The following PDE1A variants were observed in gnomAD, a reference collection of about 807,000 sequenced individuals.
PDE1A encodes dual specificity calcium/calmodulin-dependent 3',5'-cyclic nucleotide phosphodiesterase 1A.
In PDE1A, 35 loss-of-function variants were observed where a neutral mutation model predicts 61.7. That is an observed-to-expected ratio of 0.57 (90% CI 0.43 to 0.75). The LOEUF is 0.75. Among genes scored for constraint, PDE1A ranks in the 30% least tolerant of loss-of-function variants. The probability of loss-of-function intolerance (pLI) is 0.00; values close to 1 mark genes in which losing one functional copy is unlikely to be tolerated. For synonymous variants in PDE1A, 232 were observed against 213.2 expected (o/e 1.09, Z -0.77); for missense variants, 597 against 630.6 (o/e 0.95, Z 0.57).
chr2:182,637,197 G>T, the PDE1A span, among the ~76,000 whole-genome samples: 1 of 152,148 alleles, frequency 6.6e-6, no homozygotes, highest in Non-Finnish European at 1.5e-5. Context: ...TTTAAAAGAG[G>T]TCATTATTCT....
At chr2:182,359,996 G>T (rs1428524700) in intron 1 of PDE1A, among the ~76,000 whole-genome samples, 3 of 152,020 alleles carry the variant, frequency 2.0e-5, no homozygotes, top group Non-Finnish European at 4.4e-5. Flanking sequence ...ATACCATGAA[G>T]AAAATGCTAC....
At chr2:182,290,785 T>G (rs1694476364) in intron 1 of PDE1A, among the ~76,000 whole-genome samples, 1 of 151,960 alleles carries the variant, frequency 6.6e-6, no homozygotes, top group Admixed American at 6.6e-5. Context: ...CCACTGAAAA[T>G]CTACTGCCAC....
intron 7 of PDE1A, among the ~76,000 whole-genome samples, chr2:182,220,097 G>A (rs1688594865): frequency 6.6e-6 from 1 of 151,710 alleles, no homozygotes; most frequent in South Asian, 2.1e-4. Context: ...CTATCATAAA[G>A]ATGAAATAAT....
At chr2:182,171,459 G>A (rs1205558648) in intron 13 of PDE1A, among the ~76,000 whole-genome samples, 1 of 151,756 alleles carries the variant, frequency 6.6e-6, no homozygotes, top group Non-Finnish European at 1.5e-5. Context: ...AAATTGTTCT[G>A]AAAAATTGGG....
chr2:182,490,777 T>TCGG (rs1688333135), intron 2 of PDE1A, among the ~76,000 whole-genome samples: 2 of 152,190 alleles, frequency 1.3e-5, no homozygotes, highest in African/African-American at 4.8e-5. Flanking sequence ...AGGCACAATT[T>TCGG]TAAGAGTGAT....
chr2:182,353,493 T>C (rs1013445247), intron 1 of PDE1A, among the ~76,000 whole-genome samples: 4 of 152,162 alleles, frequency 2.6e-5, no homozygotes, highest in African/African-American at 7.2e-5. Flanking sequence ...TGTTTTGTTA[T>C]AGCATTATCT....
At chr2:182,662,156 A>T in the PDE1A span, among the ~76,000 whole-genome samples, 1 of 151,966 alleles carries the variant, frequency 6.6e-6, no homozygotes, top group Non-Finnish European at 1.5e-5. Context: ...AGATAAATAG[A>T]ACAGAAGAAA....
At chr2:182,525,997 T>C (rs933464927), upstream of PDE1A, among the ~76,000 whole-genome samples, 8 of 152,146 alleles carry the variant, frequency 5.3e-5, no homozygotes, top group Non-Finnish European at 1.5e-5. Flanking sequence ...AGTTAGCATC[T>C]GTGAAGAAGG....
At chr2:182,281,352 T>A (rs967460548) in intron 1 of PDE1A, among the ~76,000 whole-genome samples, 5 of 151,956 alleles carry the variant, frequency 3.3e-5, no homozygotes, top group Non-Finnish European at 7.4e-5. Flanking sequence ...TTTGTCTTAG[T>A]GATGTTTAAA....
chr2:182,230,057 T>G, exon 6 of PDE1A: 1 of 1,612,856 alleles, frequency 6.2e-7, no homozygotes, highest in Non-Finnish European at 8.5e-7. Flanking sequence ...TGACATCAGC[T>G]GCATGAATCA....
At chr2:182,534,746 T>C in the PDE1A span, among the ~76,000 whole-genome samples, 1 of 151,884 alleles carries the variant, frequency 6.6e-6, no homozygotes, top group African/African-American at 2.4e-5. Context: ...CATTTGTAAT[T>C]CAATTTTTAT....
chr2:182,399,005 T>C (rs143168759), intron 1 of PDE1A, among the ~76,000 whole-genome samples: 1,929 of 152,052 alleles, frequency 0.013, 26 homozygotes, highest in South Asian at 0.047. Flanking sequence ...ATAATACCTA[T>C]TGAACTATCC....
chr2:182,191,044 T>C (rs915610810), intron 10 of PDE1A, among the ~76,000 whole-genome samples: 5 of 152,196 alleles, frequency 3.3e-5, no homozygotes, highest in African/African-American at 9.7e-5. Context: ...TGATGTCTAA[T>C]GCATACATTG....
intron 1 of PDE1A, among the ~76,000 whole-genome samples, chr2:182,377,254 G>C (rs1700464732): frequency 6.6e-6 from 1 of 152,172 alleles, no homozygotes; most frequent in Non-Finnish European, 1.5e-5. Context: ...TGGTGATAGT[G>C]AGTTCTCATG....
At chr2:182,342,032 G>A (rs1698218752) in intron 1 of PDE1A, among the ~76,000 whole-genome samples, 1 of 152,108 alleles carries the variant, frequency 6.6e-6, no homozygotes, top group Non-Finnish European at 1.5e-5. Flanking sequence ...GCTTCCCAAA[G>A]CACTGGGATT....
the PDE1A span, among the ~76,000 whole-genome samples, chr2:182,672,006 G>A: frequency 9.2e-5 from 14 of 152,136 alleles, no homozygotes; most frequent in African/African-American, 3.1e-4. Flanking sequence ...AATTCTGCCC[G>A]CTAAACCTCT....
downstream of PDE1A, among the ~76,000 whole-genome samples, chr2:182,162,978 G>A (rs577499259): frequency 8.1e-4 from 123 of 152,266 alleles, 1 homozygote; most frequent in African/African-American, 2.7e-3. Flanking sequence ...CTGTACCTAA[G>A]ACAATAGTAA....
At chr2:182,599,980 A>G in the PDE1A span, among the ~76,000 whole-genome samples, 26 of 152,234 alleles carry the variant, frequency 1.7e-4, no homozygotes, top group Admixed American at 1.3e-4. Context: ...ACATGACAGG[A>G]AAGTCCCTTG....
chr2:182,646,366 C>T, the PDE1A span, among the ~76,000 whole-genome samples: 50,230 of 136,882 alleles, frequency 0.37, 10,601 homozygotes, highest in Admixed American at 0.54. Flanking sequence ...GCAGGAGAAT[C>T]GTTTGAACCC....
Sources: gnomAD v4.1 joint callset for allele counts (sites outside exome capture counted in the v4.1 genomes callset) on GRCh38, gnomAD v4.1.1 for gene constraint, MANE v1.5 for transcripts, NCBI Gene and HGNC (gene_info 2026-07-23, HGNC 2026-07-21) for gene names.